OCM: variants seen among roughly 807,000 people sequenced by gnomAD.
OCM encodes oncomodulin.
A neutral mutation model predicts 14.1 loss-of-function variants in OCM; 18 were observed. The observed-to-expected ratio is 1.28, with a 90% CI of 0.88 to 1.89. The LOEUF (loss-of-function observed/expected upper bound fraction) is 1.89. OCM is among the 40% of genes most tolerant of loss of function. OCM has a pLI of 0.00. For synonymous variants in OCM, 48 were observed against 51.0 expected, an observed-to-expected ratio of 0.94 and a Z score of 0.25; for missense variants, 140 against 137.6, an observed-to-expected ratio of 1.02 and a Z score of -0.09.
chr7:5,861,759 G>A, the OCM span, among the ~76,000 whole-genome samples: 1 of 151,912 alleles, frequency 6.6e-6, no homozygotes, highest in Non-Finnish European at 1.5e-5. Context: ...TGTTGTTGTT[G>A]TTAGAGACAG....
the OCM span, among the ~76,000 whole-genome samples, chr7:5,863,148 A>G: frequency 6.6e-6 from 1 of 152,188 alleles, no homozygotes; most frequent in African/African-American, 2.4e-5. Context: ...TTGATCGCTA[A>G]TCAGAGCCTT....
upstream of OCM, among the ~76,000 whole-genome samples, chr7:5,877,141 A>G (rs536646164): frequency 6.6e-6 from 1 of 151,926 alleles, no homozygotes; most frequent in Non-Finnish European, 1.5e-5. Context: ...TATGTTTCTG[A>G]TTGCAAGGTG....
Position 5,882,531 on chromosome 7 carries a change from T to C in OCM, c.100T>C (p.Ser34Pro). The C allele has an allele frequency of 1.2e-6, 2 of 1,614,170 alleles. No individual in the cohort carries two copies. The highest frequency in any genetic ancestry group is 1.7e-6 in the Non-Finnish European group (2 of 1,180,018). The change falls in exon 2 of 4, where the codon TCA becomes CCA. Residue 34 changes from serine (S) to proline (P), a missense_variant. Transcript: ENST00000242104. Reference sequence around the variant, plus strand: ...TGAACCCCAAAAATTCTTCCAGACATCAGGCCTCTCCAAGATGTCAGCCAA... The same window carrying C: ...TGAACCCCAAAAATTCTTCCAGACACCAGGCCTCTCCAAGATGTCAGCCAA... ...TFEPQKFFQTSGLSKMSANQV... is the reference protein window; with the variant it reads ...TFEPQKFFQTPGLSKMSANQV...
upstream of OCM, among the ~76,000 whole-genome samples, chr7:5,875,972 A>ACCACAGGCATGCG (rs930824245): frequency 6.6e-6 from 1 of 151,828 alleles, no homozygotes; most frequent in African/African-American, 2.4e-5. Context: ...AGCAGCCGGC[A>ACCACAGGCATGCG]CCACAGGCAT....
the OCM span, among the ~76,000 whole-genome samples, chr7:5,865,095 T>A: frequency 6.6e-6 from 1 of 152,130 alleles, no homozygotes; most frequent in African/African-American, 2.4e-5. Context: ...ACCAAATTTG[T>A]TGTCATCATG....
At chr7:5,864,464 G>C in the OCM span, among the ~76,000 whole-genome samples, 5 of 151,766 alleles carry the variant, frequency 3.3e-5, no homozygotes, top group African/African-American at 1.2e-4. Context: ...TCTCCTCCAC[G>C]TTCTAGGGTT....
At chr7:5,881,242 C>T (rs1357431486) in intron 1 of OCM, among the ~76,000 whole-genome samples, 5 of 150,676 alleles carry the variant, frequency 3.3e-5, no homozygotes, top group African/African-American at 4.9e-5. Flanking sequence ...TGCTTGAACC[C>T]GGGAGGCAGA....
chr7:5,871,177 C>G, the OCM span, among the ~76,000 whole-genome samples: 3 of 151,338 alleles, frequency 2.0e-5, no homozygotes, highest in Non-Finnish European at 2.9e-5. Flanking sequence ...TGAGAGCCCC[C>G]CCCCCGTCTC....
chr7:5,865,203 G>A, the OCM span, among the ~76,000 whole-genome samples: 1 of 152,320 alleles, frequency 6.6e-6, no homozygotes, highest in East Asian at 1.9e-4. Flanking sequence ...ATTTGCAAAT[G>A]CCTGCATTAT....
At chr7:5,860,795 TATATACACAC>T in the OCM span, among the ~76,000 whole-genome samples, 2 of 88,162 alleles carry the variant, frequency 2.3e-5, no homozygotes, top group Admixed American at 1.2e-4. Context: ...TATATACATA[TATATACACAC>T]ATACACACAT....
the OCM span, among the ~76,000 whole-genome samples, chr7:5,862,131 A>G: frequency 6.6e-6 from 1 of 152,246 alleles, no homozygotes; most frequent in African/African-American, 2.4e-5. Context: ...CTCGTTTGCC[A>G]TCCATACTGA....
At chr7:5,869,584 A>G in the OCM span, among the ~76,000 whole-genome samples, 1 of 151,910 alleles carries the variant, frequency 6.6e-6, no homozygotes, top group Non-Finnish European at 1.5e-5. Flanking sequence ...GGCAACAGAG[A>G]TTCCATCTAA....
chr7:5,872,319 T>A, the OCM span, among the ~76,000 whole-genome samples: 1 of 152,112 alleles, frequency 6.6e-6, no homozygotes, highest in African/African-American at 2.4e-5. Flanking sequence ...CACTTCACGG[T>A]CTTCATTTGT....
At chr7:5,874,094 G>T in the OCM span, among the ~76,000 whole-genome samples, 1 of 151,070 alleles carries the variant, frequency 6.6e-6, no homozygotes, top group Admixed American at 6.6e-5. Flanking sequence ...CATGGTGGTG[G>T]GCACCTGTAA....
At chr7:5,880,221 T>C (rs1227099618), upstream of OCM, among the ~76,000 whole-genome samples, 3 of 152,218 alleles carry the variant, frequency 2.0e-5, no homozygotes, top group East Asian at 5.8e-4. Context: ...CGGGCTGCTG[T>C]AGGAAAATGC....
chr7:5,860,735 C>T, the OCM span, among the ~76,000 whole-genome samples: 3 of 132,854 alleles, frequency 2.3e-5, no homozygotes, highest in African/African-American at 5.5e-5. Context: ...TATATATTCA[C>T]GTATATATAC....
the OCM span, among the ~76,000 whole-genome samples, chr7:5,873,846 G>A: frequency 1.3e-5 from 2 of 151,882 alleles, no homozygotes; most frequent in South Asian, 4.1e-4. Flanking sequence ...ATGAAAGTGG[G>A]TCCACGGTGC....
chr7:5,873,124 C>T, the OCM span, among the ~76,000 whole-genome samples: 2 of 152,092 alleles, frequency 1.3e-5, no homozygotes, highest in South Asian at 2.1e-4. Context: ...CCTGTAATCC[C>T]AGCATTTTGG....
At chr7:5,865,322 T>A in the OCM span, among the ~76,000 whole-genome samples, 1 of 152,182 alleles carries the variant, frequency 6.6e-6, no homozygotes, top group Admixed American at 6.5e-5. Context: ...CATGCTGAAT[T>A]TTCTTCCTGG....
Sources: allele counts gnomAD v4.1 joint callset (sites outside exome capture counted in the v4.1 genomes callset), GRCh38; gene constraint gnomAD v4.1.1; transcripts MANE v1.5; gene names NCBI Gene and HGNC (gene_info 2026-07-23, HGNC 2026-07-21).